Variants in C1orf141 observed in about 807,000 individuals in gnomAD.
C1orf141 encodes the protein uncharacterized protein C1orf141.
Under a neutral mutation model 23.2 loss-of-function variants are expected in C1orf141, and 19 were observed. The ratio of observed to expected loss-of-function variants is 0.82; its 90% CI spans 0.57 to 1.20. The LOEUF (loss-of-function observed/expected upper bound fraction) is 1.20. Among genes scored for constraint, C1orf141 ranks in the 50% most tolerant of loss-of-function variants. The pLI, the probability that C1orf141 is intolerant of heterozygous loss-of-function variation, is 0.00. For synonymous variants in C1orf141, 153 were observed against 154.6 expected (o/e 0.99, Z 0.08); for missense variants, 469 against 455.1 (o/e 1.03, Z -0.28).
chr1:67,139,852 T>G (rs1473307993), upstream of C1orf141, among the ~76,000 whole-genome samples: 1 of 152,168 alleles, frequency 6.6e-6, no homozygotes, highest in East Asian at 1.9e-4. Context: ...GGTGGGGCCT[T>G]TAAAAGGTTC....
chr1:67,119,278 T>C (rs1646255723), intron 4 of C1orf141, among the ~76,000 whole-genome samples: 1 of 152,156 alleles, frequency 6.6e-6, no homozygotes, highest in Non-Finnish European at 1.5e-5. Context: ...TATTGGAAAC[T>C]GGAGGAAAGG....
Position 67,120,646 on chromosome 1 carries a change from T to G in C1orf141, c.233+5106A>C, listed in dbSNP as rs72922853. Reference sequence around the variant, plus strand: ...GAGGTGCTATCTGTCTCTTTCTCTCTGCCATGTGAAGATACAAGAAGAAGA... The same window carrying G: ...GAGGTGCTATCTGTCTCTTTCTCTCGGCCATGTGAAGATACAAGAAGAAGA... On this transcript the variant is annotated intron_variant, in intron 4 of 7. Coordinates refer to ENST00000684719, the MANE Select transcript of C1orf141 (RefSeq NM_001276351.2). Among the ~76,000 whole-genome samples, 224 of 152,270 alleles carry G rather than the reference T, an allele frequency of 1.5e-3. 1 individual carries two copies. The highest frequency in any genetic ancestry group is 5.0e-3 in the African/African-American group (209 of 41,568).
intron 2 of C1orf141, among the ~76,000 whole-genome samples, chr1:67,127,688 G>A (rs919775374): frequency 6.6e-6 from 1 of 152,110 alleles, no homozygotes; most frequent in Non-Finnish European, 1.5e-5. Context: ...AGGCTGGAGT[G>A]CAGTGGTGTG....
intron 5 of C1orf141, among the ~76,000 whole-genome samples, chr1:67,111,853 C>T (rs1198550628): frequency 1.3e-5 from 2 of 152,062 alleles, no homozygotes; most frequent in Non-Finnish European, 2.9e-5. Context: ...CTATAACTTT[C>T]AATTATTTAC....
At chr1:67,095,023 A>G in intron 7 of C1orf141, 1 of 454,848 alleles carries the variant, frequency 2.2e-6, no homozygotes, top group South Asian at 5.2e-5. Flanking sequence ...TTCATAAAGA[A>G]AAACACTGAA....
At chr1:67,114,265 C>T (rs912509390) in intron 5 of C1orf141, among the ~76,000 whole-genome samples, 2 of 143,608 alleles carry the variant, frequency 1.4e-5, no homozygotes, top group Non-Finnish European at 3.0e-5. Flanking sequence ...ACAAGTACTG[C>T]CTCCATATAC....
chr1:67,127,316 G>T, intron 2 of C1orf141, 59 bp from the exon 3 acceptor site: 2 of 964,512 alleles, frequency 2.1e-6, no homozygotes, highest in East Asian at 2.5e-5. Context: ...ATAAAACTAG[G>T]CATAAGTTTT....
At chr1:67,118,080 G>A (rs1408107627) in intron 4 of C1orf141, among the ~76,000 whole-genome samples, 1 of 152,118 alleles carries the variant, frequency 6.6e-6, no homozygotes, top group Non-Finnish European at 1.5e-5. Context: ...AGTCATAGTG[G>A]AGTAATATTT....
Position 67,093,432 on chromosome 1 carries a change from C to A in C1orf141, c.776G>T (p.Gly259Val), listed in dbSNP as rs755444340. 3 of 1,610,862 alleles carry A rather than the reference C, an allele frequency of 1.9e-6. No homozygotes were observed. The highest frequency in any genetic ancestry group is 2.5e-6 in the Non-Finnish European group (3 of 1,177,730). Residue 259 changes from glycine (G) to valine (V), a missense_variant, in exon 8 of 8, where the codon GGC (glycine) becomes GTC (valine). Around this residue, in one of 3 missense-constraint regions of C1orf141, gnomAD observed 370 missense variants for 348.1 expected, o/e 1.06. Transcript: ENST00000684719. ...RNCEILKSIIGNQSISLFKPQ... is the reference protein window; with the variant it reads ...RNCEILKSIIVNQSISLFKPQ... ...TTTGAAAAGAGAAATAGATTGATTGCCAATTATAGATTTGAGGATTTCACA... is the reference window on the plus strand; with the variant it reads ...TTTGAAAAGAGAAATAGATTGATTGACAATTATAGATTTGAGGATTTCACA...
chr1:67,107,322 G>A (rs911071036), intron 5 of C1orf141, among the ~76,000 whole-genome samples: 15 of 151,850 alleles, frequency 9.9e-5, no homozygotes, highest in Non-Finnish European at 1.8e-4. Flanking sequence ...AGGAAAGAAG[G>A]AACAGAGAAA....
chr1:67,104,947 C>T (rs867086983), intron 5 of C1orf141, among the ~76,000 whole-genome samples: 3 of 152,078 alleles, frequency 2.0e-5, no homozygotes, highest in African/African-American at 2.4e-5. Flanking sequence ...TTAACAGCTG[C>T]AATACTGATA....
chr1:67,138,838 A>T (rs1362999926), upstream of C1orf141: 1 of 152,322 alleles, frequency 6.6e-6, no homozygotes, highest in Non-Finnish European at 1.5e-5. Flanking sequence ...GGAGAAAGTT[A>T]TCTATGTTAG....
At chr1:67,113,619 C>T in intron 5 of C1orf141, 1 of 801,224 alleles carries the variant, frequency 1.2e-6, no homozygotes, top group Non-Finnish European at 1.7e-6. Flanking sequence ...CTTGCCTTGG[C>T]ATCTCAAAGT....
At chr1:67,122,704 A>G (rs1408852898) in intron 4 of C1orf141, 1 of 152,006 alleles carries the variant, frequency 6.6e-6, no homozygotes, top group Non-Finnish European at 1.5e-5. Context: ...CCATTATTAC[A>G]CCCATGTGTC....
intron 5 of C1orf141, among the ~76,000 whole-genome samples, chr1:67,108,319 G>T (rs1032488154): frequency 6.6e-6 from 1 of 152,140 alleles, no homozygotes; most frequent in African/African-American, 2.4e-5. Context: ...CATGGGAGAA[G>T]GGGCAAACAG....
Position 67,093,600 on chromosome 1 carries a change from T to A in C1orf141, c.608A>T (p.Gln203Leu). The A allele has an allele frequency of 6.4e-7, 1 of 1,554,224 alleles. No individual in the cohort carries two copies. The highest frequency in any genetic ancestry group is 8.7e-7 in the Non-Finnish European group (1 of 1,152,636). The change falls in exon 8 of 8, where the codon CAA becomes CTA. Residue 203 changes from glutamine to leucine, a missense_variant. By Grantham distance (113) the Gln-to-Leu change is moderately radical. Transcript: ENST00000684719. ...GAAAATTATGGGATTTGTGTCCTTT[T>A]GTTCCTGTAGATTAAAGAAAAGAAT... ...PTKTVTSHMEQKDTNPIIFHD... is the reference protein window; with the variant it reads ...PTKTVTSHMELKDTNPIIFHD...
intron 1 of C1orf141, among the ~76,000 whole-genome samples, chr1:67,140,442 G>T (rs1027044453): frequency 1.3e-5 from 2 of 152,078 alleles, no homozygotes; most frequent in Non-Finnish European, 2.9e-5. Context: ...ACCTACAAAT[G>T]ATCATTAATT....
chr1:67,118,314 A>C (rs1646235929), intron 4 of C1orf141, among the ~76,000 whole-genome samples: 1 of 152,164 alleles, frequency 6.6e-6, no homozygotes, highest in Admixed American at 6.5e-5. Flanking sequence ...AAAATATCAG[A>C]ATTGTGAGTC....
chr1:67,135,765 T>C (rs1197133688), upstream of C1orf141, among the ~76,000 whole-genome samples: 1 of 151,816 alleles, frequency 6.6e-6, no homozygotes, highest in African/African-American at 2.4e-5. Flanking sequence ...TGTTCATCAT[T>C]CCAAGAATGT....
Sources: allele counts gnomAD v4.1 joint callset (sites outside exome capture counted in the v4.1 genomes callset), GRCh38; gene constraint gnomAD v4.1.1; regional missense constraint gnomAD v4.1.1; transcripts MANE v1.5; gene names NCBI Gene and HGNC (gene_info 2026-07-23, HGNC 2026-07-21).